Variants in GRID2 observed in about 807,000 individuals in gnomAD.
GRID2 encodes glutamate receptor ionotropic, delta-2.
Under a neutral mutation model 114.8 loss-of-function variants are expected in GRID2, and 33 were observed. The observed-to-expected ratio is 0.29, with a 90% CI of 0.22 to 0.38. The LOEUF (loss-of-function observed/expected upper bound fraction) is 0.38. Ranked by LOEUF, GRID2 falls within the 10% of genes least tolerant of loss-of-function variation. The pLI, the probability that GRID2 is intolerant of heterozygous loss-of-function variation, is 1.00. For missense variants in GRID2, 1,184 were observed against 1,257.7 expected, an observed-to-expected ratio of 0.94 and a Z score of 0.89; for synonymous variants, 505 against 449.9, an observed-to-expected ratio of 1.12 and a Z score of -1.55.
chr4:92,772,495 T>A (rs566927631), intron 2 of GRID2, among the ~76,000 whole-genome samples: 1 of 152,132 alleles, frequency 6.6e-6, no homozygotes, highest in Non-Finnish European at 1.5e-5. Flanking sequence ...AGTGGCACAT[T>A]CATGAAAACA....
chr4:92,536,532 A>G (rs745818832), intron 1 of GRID2, among the ~76,000 whole-genome samples: 6 of 152,228 alleles, frequency 3.9e-5, no homozygotes, highest in Non-Finnish European at 8.8e-5. Flanking sequence ...ATAAGTGCTT[A>G]AAGAATGAAG....
At chr4:92,609,947 C>A (rs984153880) in intron 2 of GRID2, among the ~76,000 whole-genome samples, 2 of 151,690 alleles carry the variant, frequency 1.3e-5, no homozygotes, top group Non-Finnish European at 2.9e-5. Flanking sequence ...TGGATTATCA[C>A]TATTATCTGT....
chr4:92,487,468 GTT>G (rs1560664712), intron 1 of GRID2, among the ~76,000 whole-genome samples: 1 of 151,764 alleles, frequency 6.6e-6, no homozygotes, highest in Non-Finnish European at 1.5e-5. Context: ...GTTTTTGCCA[GTT>G]TCTTCATTTT....
At chr4:93,628,867 G>A (rs1387194773) in intron 14 of GRID2, among the ~76,000 whole-genome samples, 1 of 151,032 alleles carries the variant, frequency 6.6e-6, no homozygotes, top group East Asian at 2.0e-4. Context: ...CCGGGTTCAA[G>A]TGATTCTCCT....
chr4:92,725,742 A>AC (rs879636657), intron 2 of GRID2, among the ~76,000 whole-genome samples: 8 of 152,178 alleles, frequency 5.3e-5, no homozygotes, highest in Non-Finnish European at 1.0e-4. Context: ...TGAGTTCATG[A>AC]CAAAGATAGC....
chr4:92,909,115 A>C (rs898910535), intron 2 of GRID2, among the ~76,000 whole-genome samples: 1 of 152,252 alleles, frequency 6.6e-6, no homozygotes, highest in South Asian at 2.1e-4. Context: ...GATATACCTT[A>C]TCATATCTTT....
At position 92,901,463 on chromosome 4, in the gene GRID2, C is replaced by T. The variant is rs544232723; in HGVS notation, c.245-183532C>T. ...TTGTCTATTTACTCTATGATTATAA[C>T]TTTTGCTGTGCAGAGGCTTTTTAGT... On this transcript the variant is annotated intron_variant, in intron 2 of 15. Coordinates refer to ENST00000282020, the MANE Select transcript of GRID2 (RefSeq NM_001510.4). Among the ~76,000 whole-genome samples the T allele has an allele frequency of 1.9e-4, 29 of 152,250 alleles. No homozygotes were observed. In the East Asian group the frequency reaches 2.9e-3, roughly 15 times the overall value.
chr4:93,529,988 TCCC>T (rs1731284877), intron 13 of GRID2, among the ~76,000 whole-genome samples: 2 of 152,140 alleles, frequency 1.3e-5, no homozygotes, highest in South Asian at 4.1e-4. Context: ...ATCACTGCCC[TCCC>T]TATCATCAGG....
At chr4:92,932,473 G>GA (rs1307718237) in intron 2 of GRID2, among the ~76,000 whole-genome samples, 2 of 151,254 alleles carry the variant, frequency 1.3e-5, no homozygotes, top group African/African-American at 4.8e-5. Flanking sequence ...TTTGTGGTAG[G>GA]AAAAATGTAT....
chr4:92,443,084 T>C (rs1285258855), intron 1 of GRID2, among the ~76,000 whole-genome samples: 1 of 151,920 alleles, frequency 6.6e-6, no homozygotes, highest in East Asian at 1.9e-4. Context: ...CAGCGAGGCT[T>C]GGGGTTGGTA....
chr4:93,108,280 G>A (rs1732438946), intron 3 of GRID2, among the ~76,000 whole-genome samples: 1 of 152,046 alleles, frequency 6.6e-6, no homozygotes, highest in Admixed American at 6.6e-5. Context: ...TTGTTTACTT[G>A]TTTATTGTCT....
chr4:93,805,083 A>C (rs2110370493), intron 1 of GRID2, among the ~76,000 whole-genome samples: 1 of 152,348 alleles, frequency 6.6e-6, no homozygotes, highest in South Asian at 2.1e-4. Context: ...GTAATAGCTT[A>C]ATTTATTTTT....
At chr4:93,507,457 A>T (rs1728746766) in intron 12 of GRID2, among the ~76,000 whole-genome samples, 1 of 152,216 alleles carries the variant, frequency 6.6e-6, no homozygotes, top group Admixed American at 6.5e-5. Context: ...CAAGAAAAAC[A>T]ATCCTGAAAT....
chr4:93,396,835 C>T (rs1197517262), intron 9 of GRID2, among the ~76,000 whole-genome samples: 2 of 151,946 alleles, frequency 1.3e-5, no homozygotes, highest in African/African-American at 4.8e-5. Context: ...TAGCCATAAA[C>T]CACGAAGGCA....
At chr4:92,753,239 A>G (rs1737542370) in intron 2 of GRID2, among the ~76,000 whole-genome samples, 1 of 152,178 alleles carries the variant, frequency 6.6e-6, no homozygotes, top group African/African-American at 2.4e-5. Flanking sequence ...TGGTTTTATT[A>G]GATTATGTTA....
intron 4 of GRID2, among the ~76,000 whole-genome samples, chr4:93,129,950 A>G (rs555046110): frequency 2.0e-5 from 3 of 152,346 alleles, no homozygotes; most frequent in South Asian, 4.1e-4. Context: ...ATGTCCAGGT[A>G]TATTTCCTTA....
chr4:93,005,296 T>G (rs1721394221), intron 2 of GRID2, among the ~76,000 whole-genome samples: 1 of 152,096 alleles, frequency 6.6e-6, no homozygotes, highest in African/African-American at 2.4e-5. Context: ...TAATTTATCA[T>G]ATATTCTCAC....
chr4:93,331,445 G>A (rs1758440173), intron 8 of GRID2, among the ~76,000 whole-genome samples: 1 of 151,784 alleles, frequency 6.6e-6, no homozygotes, highest in African/African-American at 2.4e-5. Flanking sequence ...CAACACTCCT[G>A]ATACCACAAC....
chr4:92,491,699 G>GTGTGTA (rs1208875986), intron 1 of GRID2, among the ~76,000 whole-genome samples: 1 of 152,040 alleles, frequency 6.6e-6, no homozygotes, highest in African/African-American at 2.4e-5. Flanking sequence ...GTGTGTGTGT[G>GTGTGTA]TGTGTACATG....
Sources: gnomAD v4.1 joint callset for allele counts (sites outside exome capture counted in the v4.1 genomes callset) on GRCh38, gnomAD v4.1.1 for gene constraint, MANE v1.5 for transcripts, NCBI Gene and HGNC (gene_info 2026-07-23, HGNC 2026-07-21) for gene names.